SPIRE2: variants seen among roughly 807,000 people sequenced by gnomAD.
The protein encoded by SPIRE2 is protein spire homolog 2.
SPIRE2 carries 76 observed loss-of-function variants against 80.7 expected under a neutral mutation model. That is an observed-to-expected ratio of 0.94 (90% CI 0.78 to 1.14). SPIRE2 has a LOEUF of 1.14. SPIRE2 is among the 50% of genes most tolerant of loss of function. The pLI is 0.00. For synonymous variants in SPIRE2, 535 were observed against 432.6 expected (o/e 1.24, Z -2.94); for missense variants, 1,196 against 1,015.3 (o/e 1.18, Z -2.42).
rs557283133 is a variant in SPIRE2, at chr16:89,856,125, C to G, written c.991C>G (p.Arg331Gly). Residue 331 changes from arginine to glycine, a missense_variant, in exon 7 of 15, where the codon CGG becomes GGG. Transcript: ENST00000378247. Reference sequence around the variant, plus strand: ...TTCCCCACCGCAGGTCTCTGAGAGGCGGCTGCGCCCGTTGCCACCAAAGCA... The same window carrying G: ...TTCCCCACCGCAGGTCTCTGAGAGGGGGCTGCGCCCGTTGCCACCAAAGCA... ...RPPLKQVSERRLRPLPPKQRS... is the reference protein window; with the variant it reads ...RPPLKQVSERGLRPLPPKQRS... 6.2e-7 allele frequency: 1 copy of G among 1,611,552 alleles called. No individual in the cohort carries two copies. The highest frequency in any genetic ancestry group is 8.5e-7 in the Non-Finnish European group (1 of 1,179,630).
In SPIRE2 at chr16:89,869,609, A is replaced by T; in HGVS notation, c.1849A>T (p.Thr617Ser). The T allele has an allele frequency of 6.2e-7, 1 of 1,614,184 alleles. No individual in the cohort carries two copies. Among genetic ancestry groups the T allele is most frequent in the Admixed American group, 1.7e-5 (1 of 60,018 alleles). Residue 617 changes from threonine (T) to serine (S), a missense_variant, in exon 14 of 15, where the codon ACA becomes TCA. Transcript: ENST00000378247. ...GAAATTTGGACACATCCCTGTCTAC[A>T]CACTGGGCTTTGAGAGTCCTCAGAG... is the stretch of plus-strand genomic sequence containing the variant. Reference protein sequence around the residue: ...SKKFGHIPVYTLGFESPQRVS... With the variant: ...SKKFGHIPVYSLGFESPQRVS...
rs2041619966 is a variant in SPIRE2, at chr16:89,850,850, T to TTG, written c.645+191_645+192insGT. Among the ~76,000 whole-genome samples, 9 of 151,876 alleles carry TTG rather than the reference T, an allele frequency of 5.9e-5. No individual in the cohort carries two copies. The South Asian group carries it at 6.2e-4, about 11-fold the overall frequency. On this transcript the variant is annotated intron_variant, in intron 3 of 14. Transcript: ENST00000378247. ...TTGTTTTTTTGTTGTTGTTGTTGTTTTTTTAGACAGGGTCTCACTCTGTCA... is the reference window on the plus strand; with the variant it reads ...TTGTTTTTTTGTTGTTGTTGTTGTTTTGTTTTAGACAGGGTCTCACTCTGTCA...
chr16:89,852,741 A>C (rs1299082441), intron 3 of SPIRE2, among the ~76,000 whole-genome samples: 1 of 49,152 alleles, frequency 2.0e-5, no homozygotes, highest in Non-Finnish European at 4.1e-5. Flanking sequence ...CCCGGATCCC[A>C]TGGCCCGTCT....
At chr16:89,866,149 GA>G (rs1217412522) in intron 12 of SPIRE2, among the ~76,000 whole-genome samples, 4 of 150,428 alleles carry the variant, frequency 2.7e-5, no homozygotes, top group South Asian at 2.1e-4. Flanking sequence ...ACCTGTCTGG[GA>G]AAAAAAAATC....
intron 1 of SPIRE2, among the ~76,000 whole-genome samples, chr16:89,843,687 TTTTGTTTTTTG>T (rs1567671372): frequency 8.5e-5 from 3 of 35,462 alleles, no homozygotes; most frequent in East Asian, 0.013. Context: ...TTTTGTTTGT[TTTTGTTTTTTG>T]TTTTTTTTTT....
intron 12 of SPIRE2, among the ~76,000 whole-genome samples, chr16:89,864,358 T>G (rs2041770964): frequency 6.6e-6 from 1 of 152,062 alleles, no homozygotes; most frequent in South Asian, 2.1e-4. Context: ...AAGGTCCCCC[T>G]CTCTGAAGGA....
chr16:89,868,697 A>G (rs2041810227), intron 13 of SPIRE2, among the ~76,000 whole-genome samples: 1 of 152,058 alleles, frequency 6.6e-6, no homozygotes, highest in South Asian at 2.1e-4. Flanking sequence ...TACTAAAAAT[A>G]CAAAAAAATT....
At chr16:89,831,975 C>T (rs1006253796) in intron 1 of SPIRE2, among the ~76,000 whole-genome samples, 8 of 152,236 alleles carry the variant, frequency 5.3e-5, no homozygotes, top group Non-Finnish European at 7.3e-5. Flanking sequence ...CACGGGGCAC[C>T]GTGTCCACGT....
intron 12 of SPIRE2, among the ~76,000 whole-genome samples, chr16:89,865,254 C>A (rs551046527): frequency 3.3e-5 from 5 of 152,284 alleles, no homozygotes; most frequent in African/African-American, 9.6e-5. Context: ...GATCTGCCCA[C>A]CTCTGCCTCC....
At chr16:89,854,839 A>G (rs1358981549) in intron 5 of SPIRE2, among the ~76,000 whole-genome samples, 188 bp downstream of exon 5, 2 of 152,192 alleles carry the variant, frequency 1.3e-5, no homozygotes, top group Admixed American at 6.5e-5. Context: ...CCACAGCTTG[A>G]TATCACTTCA....
chr16:89,846,317 G>A (rs1182790016), intron 2 of SPIRE2: 3 of 135,388 alleles, frequency 2.2e-5, no homozygotes, highest in African/African-American at 8.7e-5. Flanking sequence ...CTGAGCCACT[G>A]TGCCTGGCCT....
Position 89,863,259 on chromosome 16 carries a change from A to G in SPIRE2, c.1576-217A>G. ...GCCAGTGAAGGCTGGGCTGGCCGGC[A>G]GGGTCCGCTGGTCATGGGAGGCCTG... On this transcript the variant is annotated intron_variant, in intron 10 of 14. Transcript: ENST00000378247. This position sits in a 1 kb window ranked among gnomAD's most constrained non-coding sequence, Gnocchi z 4.3. The G allele has an allele frequency of 1.7e-6, 1 of 590,246 alleles. No homozygotes were observed. Among genetic ancestry groups the G allele is most frequent in the Non-Finnish European group, 3.0e-6 (1 of 334,694 alleles). 36.6% of individuals were successfully genotyped at this position (590,246 alleles called of 1,614,324 possible). A position where few individuals can be genotyped will look rare whatever the true frequency, so the allele number is the denominator to read the frequency against.
Position 89,860,669 on chromosome 16 carries a change from C to A in SPIRE2, c.1463-14C>A. 6.5e-7 allele frequency: 1 copy of A among 1,542,956 alleles called. No homozygotes were observed. The highest frequency in any genetic ancestry group is 2.3e-5 in the East Asian group (1 of 42,808). ...CTGCCAGGCAGTCCTGATGGAGCCT[C>A]TGCTCTCCCCCAGGTACCTGTCCCG... On this transcript the variant is annotated splice_polypyrimidine_tract_variant and intron_variant, in intron 9 of 14. Transcript: ENST00000378247.
At chr16:89,847,224 C>T (rs368062558) in intron 2 of SPIRE2, 1 of 152,230 alleles carries the variant, frequency 6.6e-6, no homozygotes, top group South Asian at 2.1e-4. Context: ...GATGTTTAGA[C>T]TGCATGCGCT....
chr16:89,857,881 C>CTTTTTTT (rs774655599), intron 7 of SPIRE2, among the ~76,000 whole-genome samples: 7 of 107,210 alleles, frequency 6.5e-5, no homozygotes, highest in African/African-American at 1.8e-4. Context: ...AGTTCTTCTT[C>CTTTTTTT]TTTTTTTTTT....
intron 1 of SPIRE2, among the ~76,000 whole-genome samples, chr16:89,831,041 C>T (rs2041375449): frequency 6.7e-6 from 1 of 150,204 alleles, no homozygotes; most frequent in Non-Finnish European, 1.5e-5. Flanking sequence ...TCCCGAGTAG[C>T]TGGGACTACA....
intron 1 of SPIRE2, among the ~76,000 whole-genome samples, chr16:89,836,831 AAG>A (rs1190836414): frequency 6.6e-6 from 1 of 150,732 alleles, no homozygotes; most frequent in African/African-American, 2.5e-5. Context: ...AAAAAAAAAA[AAG>A]AAAAAAAGAA....
chr16:89,833,759 G>A (rs555779481), intron 1 of SPIRE2, among the ~76,000 whole-genome samples: 9 of 152,352 alleles, frequency 5.9e-5, no homozygotes, highest in African/African-American at 1.7e-4. Context: ...GGAGCAGCAC[G>A]TGTGGGTCCA....
intron 2 of SPIRE2, among the ~76,000 whole-genome samples, chr16:89,847,961 G>A (rs1182951911): frequency 6.6e-6 from 1 of 152,230 alleles, no homozygotes; most frequent in Non-Finnish European, 1.5e-5. Flanking sequence ...TGTGGGGGTT[G>A]GGGGCTTTGC....
Sources: gnomAD v4.1 joint callset for allele counts (sites outside exome capture counted in the v4.1 genomes callset) on GRCh38, gnomAD v4.1.1 for gene constraint, Gnocchi (gnomAD v3.1) non-coding constraint, MANE v1.5 for transcripts, NCBI Gene and HGNC (gene_info 2026-07-23, HGNC 2026-07-21) for gene names.